KYNU: variants seen among roughly 807,000 people sequenced by gnomAD.
The protein encoded by KYNU is L-kynurenine hydrolase.
Under a neutral mutation model 59.2 loss-of-function variants are expected in KYNU, and 54 were observed. That is an observed-to-expected ratio of 0.91 (90% CI 0.73 to 1.14). KYNU has a LOEUF of 1.14. Among genes scored for constraint, KYNU ranks in the 50% most tolerant of loss-of-function variants. The probability of loss-of-function intolerance (pLI) is 0.00; values close to 1 mark genes in which losing one functional copy is unlikely to be tolerated. For synonymous variants in KYNU, 177 were observed against 192.0 expected (o/e 0.92, Z 0.65); for missense variants, 567 against 554.4 (o/e 1.02, Z -0.23).
At position 143,048,298 on chromosome 2, in the gene KYNU, T is replaced by TG. The variant is rs1334564834; in HGVS notation, c.*6126_*6127insG. ...GTTATTTTAGCAATTACTCTGGCTA[T>TG]TTTAACATGCAAATATAATGAAGTT... On this transcript the variant is annotated 3_prime_UTR_variant, in exon 14 of 14. Coordinates refer to ENST00000264170, the MANE Select transcript of KYNU (RefSeq NM_003937.3). 1 of 152,230 alleles carries TG rather than the reference T, an allele frequency of 6.6e-6. No individual in the cohort carries two copies. Among genetic ancestry groups the TG allele is most frequent in the African/African-American group, 2.4e-5 (1 of 41,452 alleles). The allele number at this position is 152,230 out of a possible 1,614,324, so 9.4% of individuals were successfully genotyped here. A position where few individuals can be genotyped will look rare whatever the true frequency, so the allele number is the denominator to read the frequency against.
chr2:143,033,233 C>G lies in KYNU; in HGVS notation c.956-3C>G, dbSNP rs1686808042. The G allele has an allele frequency of 4.4e-6, 7 of 1,601,966 alleles. No homozygotes were observed. The highest frequency in any genetic ancestry group is 6.0e-6 in the Non-Finnish European group (7 of 1,169,122). ...TGATAATGACATGATATTAATTTCT[C>G]AGAACTGCAGTTAATCCCTGGGGTC... On this transcript the variant is annotated splice_region_variant and splice_polypyrimidine_tract_variant and intron_variant, in intron 11 of 13. Coordinates refer to ENST00000264170, the MANE Select transcript of KYNU (RefSeq NM_003937.3).
At chr2:143,029,891 G>A (rs1252863537) in intron 11 of KYNU, among the ~76,000 whole-genome samples, 1 of 152,182 alleles carries the variant, frequency 6.6e-6, no homozygotes, top group African/African-American at 2.4e-5. Flanking sequence ...TTAGCAGGGA[G>A]ATAAAAGAAA....
intron 2 of KYNU, among the ~76,000 whole-genome samples, chr2:142,887,711 T>C (rs1478881749): frequency 6.6e-6 from 1 of 152,174 alleles, no homozygotes; most frequent in Non-Finnish European, 1.5e-5. Flanking sequence ...TCTAGATTGG[T>C]CAAATTCATA....
intron 2 of KYNU, among the ~76,000 whole-genome samples, chr2:142,912,371 CTTTTTTTTT>C (rs60854220): frequency 8.9e-5 from 8 of 89,504 alleles, no homozygotes; most frequent in African/African-American, 2.7e-4. Context: ...TTTTGTATTT[CTTTTTTTTT>C]TTTTTTTTTT....
At chr2:142,931,327 G>A (rs1004901406) in intron 4 of KYNU, among the ~76,000 whole-genome samples, 8 of 152,156 alleles carry the variant, frequency 5.3e-5, no homozygotes, top group African/African-American at 1.9e-4. Flanking sequence ...GGTGGTGTGG[G>A]CACCTTGGAA....
At chr2:143,014,216 C>A (rs1022837925) in intron 10 of KYNU, among the ~76,000 whole-genome samples, 1 of 152,216 alleles carries the variant, frequency 6.6e-6, no homozygotes, top group Non-Finnish European at 1.5e-5. Flanking sequence ...CCATTTCCAT[C>A]ATCAGATCTT....
At chr2:143,015,418 C>T (rs776517977) in intron 10 of KYNU, among the ~76,000 whole-genome samples, 5 of 151,916 alleles carry the variant, frequency 3.3e-5, no homozygotes, top group South Asian at 2.1e-4. Flanking sequence ...AATTCTCAGG[C>T]GCCAAGTAGA....
intron 3 of KYNU, 103 bp downstream of exon 3, chr2:142,918,832 T>A: frequency 7.6e-7 from 1 of 1,312,316 alleles, no homozygotes; most frequent in Non-Finnish European, 1.1e-6. Context: ...AGAATCCTAG[T>A]ACAGTCATCC....
intron 3 of KYNU, among the ~76,000 whole-genome samples, chr2:142,922,507 A>T (rs1233302983): frequency 6.6e-6 from 1 of 152,104 alleles, no homozygotes; most frequent in Admixed American, 6.6e-5. Context: ...CCCAGTCTCA[A>T]AAAAAATTAT....
chr2:142,902,175 G>A (rs930467583), intron 2 of KYNU, among the ~76,000 whole-genome samples: 5 of 152,220 alleles, frequency 3.3e-5, no homozygotes, highest in African/African-American at 9.6e-5. Context: ...TGCAACTGCC[G>A]CCACTACCCG....
chr2:142,929,660 C>T (rs1683149649), intron 4 of KYNU, among the ~76,000 whole-genome samples: 1 of 152,032 alleles, frequency 6.6e-6, no homozygotes, highest in Admixed American at 6.6e-5. Flanking sequence ...GACAGGCGCA[C>T]AGGTGGGAAG....
chr2:142,934,809 G>T (rs543358959), intron 4 of KYNU, among the ~76,000 whole-genome samples: 2 of 152,320 alleles, frequency 1.3e-5, no homozygotes, highest in East Asian at 3.9e-4. Context: ...GAAGGGATGG[G>T]GGCGGTCCTT....
In KYNU at chr2:143,050,228, G is replaced by T. The variant is rs1687239429; in HGVS notation, c.*8056G>T. The T allele has an allele frequency of 6.6e-6, 1 of 151,834 alleles. No homozygotes were observed. Among genetic ancestry groups the T allele is most frequent in the Non-Finnish European group, 1.5e-5 (1 of 67,966 alleles). The allele number at this position is 151,834 out of a possible 1,614,324, so 9.4% of individuals were successfully genotyped here. ...CAGGATACATGTGCAGAACCTGCAGGTTTGTTACATAGGTATACGTGTGCC... is the reference window on the plus strand; with the variant it reads ...CAGGATACATGTGCAGAACCTGCAGTTTTGTTACATAGGTATACGTGTGCC... On this transcript the variant is annotated 3_prime_UTR_variant, in exon 14 of 14. Transcript: ENST00000264170.
At chr2:143,018,803 T>A (rs352927) in intron 10 of KYNU, among the ~76,000 whole-genome samples, 1 of 152,068 alleles carries the variant, frequency 6.6e-6, no homozygotes. Context: ...TCTGATTTCT[T>A]TTGGCAGAGT....
At position 143,053,442 on chromosome 2, in the gene KYNU, A is replaced by G. The variant is rs1419030004; in HGVS notation, c.*11270A>G. On this transcript the variant is annotated 3_prime_UTR_variant, in exon 14 of 14. Transcript: ENST00000264170. Reference sequence around the variant, plus strand: ...TTGCGAAGACATGATTGGTTTTGAAATGTGAGAACATTTAAGAGGGGCCAG... The same window carrying G: ...TTGCGAAGACATGATTGGTTTTGAAGTGTGAGAACATTTAAGAGGGGCCAG... The G allele has an allele frequency of 1.3e-5, 2 of 152,238 alleles. No homozygotes were observed. Among genetic ancestry groups the G allele is most frequent in the Non-Finnish European group, 2.9e-5 (2 of 68,052 alleles). The allele number at this position is 152,238 out of a possible 1,614,324, so 9.4% of individuals were successfully genotyped here.
chr2:142,991,594 T>C (rs1282197005), intron 10 of KYNU, among the ~76,000 whole-genome samples: 1 of 151,890 alleles, frequency 6.6e-6, no homozygotes, highest in Non-Finnish European at 1.5e-5. Context: ...CTATCTCCTT[T>C]GTCTTTAATA....
At chr2:142,935,238 A>C (rs997199819) in intron 4 of KYNU, among the ~76,000 whole-genome samples, 1 of 152,178 alleles carries the variant, frequency 6.6e-6, no homozygotes, top group African/African-American at 2.4e-5. Flanking sequence ...TTATGACTTC[A>C]GTTAAACAAG....
intron 12 of KYNU, among the ~76,000 whole-genome samples, 197 bp from the exon 13 acceptor site, chr2:143,040,231 T>C (rs568237186): frequency 6.6e-6 from 1 of 152,214 alleles, no homozygotes; most frequent in South Asian, 2.1e-4. Flanking sequence ...TTTTCTGTCA[T>C]GGAAATTTTA....
chr2:142,913,818 A>G (rs1682585288), intron 2 of KYNU, among the ~76,000 whole-genome samples: 1 of 152,102 alleles, frequency 6.6e-6, no homozygotes, highest in Admixed American at 6.5e-5. Context: ...AGTATTGTTA[A>G]CCATCTAAGT....
Sources: gnomAD v4.1 joint callset for allele counts (sites outside exome capture counted in the v4.1 genomes callset) on GRCh38, gnomAD v4.1.1 for gene constraint, MANE v1.5 for transcripts, NCBI Gene and HGNC (gene_info 2026-07-23, HGNC 2026-07-21) for gene names.